SETBP1: variants seen among roughly 807,000 people sequenced by gnomAD.
The protein encoded by SETBP1 is SET binding protein 1.
SETBP1 carries 9 observed loss-of-function variants against 101.0 expected under a neutral mutation model. The ratio of observed to expected loss-of-function variants is 0.09; its 90% CI spans 0.05 to 0.16. The LOEUF (loss-of-function observed/expected upper bound fraction) is 0.16. Among genes scored for constraint, SETBP1 ranks in the 10% least tolerant of loss-of-function variants. The pLI, the probability that SETBP1 is intolerant of heterozygous loss-of-function variation, is 1.00. For missense variants in SETBP1, 1,858 were observed against 2,033.8 expected (o/e 0.91, Z 1.66); for synonymous variants, 818 against 788.5 (o/e 1.04, Z -0.63).
chr18:44,697,609 T>C (rs2069041768), intron 1 of SETBP1, among the ~76,000 whole-genome samples: 1 of 152,264 alleles, frequency 6.6e-6, no homozygotes, highest in Non-Finnish European at 1.5e-5. Flanking sequence ...CTATAGGTAA[T>C]GTCAGCATTA....
At chr18:44,719,184 A>C (rs1599029840) in intron 2 of SETBP1, among the ~76,000 whole-genome samples, 23 of 152,236 alleles carry the variant, frequency 1.5e-4, no homozygotes, top group Admixed American at 1.5e-3. Flanking sequence ...GAATCCAAAA[A>C]AAGTAGCAGA....
intron 4 of SETBP1, among the ~76,000 whole-genome samples, chr18:44,980,095 A>G (rs1386970701): frequency 6.6e-6 from 1 of 152,226 alleles, no homozygotes; most frequent in East Asian, 1.9e-4. Flanking sequence ...GGAACCGGAC[A>G]ATAAGCAAAG....
chr18:44,874,929 A>G (rs2069361991), intron 3 of SETBP1, among the ~76,000 whole-genome samples: 1 of 152,182 alleles, frequency 6.6e-6, no homozygotes, highest in Non-Finnish European at 1.5e-5. Context: ...GGCTGTGCTT[A>G]TCTCCCAACA....
intron 2 of SETBP1, among the ~76,000 whole-genome samples, chr18:44,861,560 C>T (rs1296076637): frequency 1.3e-5 from 2 of 151,920 alleles, no homozygotes; most frequent in African/African-American, 4.8e-5. Context: ...GATAGAGCTC[C>T]CAACAGTATA....
intron 4 of SETBP1, among the ~76,000 whole-genome samples, chr18:45,037,258 A>G (rs1218636108): frequency 6.6e-6 from 1 of 152,146 alleles, no homozygotes; most frequent in Non-Finnish European, 1.5e-5. Context: ...CTTGACTTAC[A>G]TTTGGATGAG....
chr18:44,706,591 C>CAAAAATAA (rs2069223179), intron 2 of SETBP1, among the ~76,000 whole-genome samples: 1 of 16,966 alleles, frequency 5.9e-5, no homozygotes, highest in African/African-American at 2.4e-4. Flanking sequence ...GACTCAATCT[C>CAAAAATAA]AAAAAAAAAA....
intron 2 of SETBP1, among the ~76,000 whole-genome samples, chr18:44,864,651 C>T (rs1238762918): frequency 6.6e-6 from 1 of 152,112 alleles, no homozygotes; most frequent in African/African-American, 2.4e-5. Flanking sequence ...GAATTTTCTC[C>T]TTCCTTTGCC....
chr18:44,904,690 T>C (rs1391616125), intron 3 of SETBP1, among the ~76,000 whole-genome samples: 1 of 152,208 alleles, frequency 6.6e-6, no homozygotes, highest in Admixed American at 6.5e-5. Flanking sequence ...AACTATGTGA[T>C]GGTTCAGGGC....
chr18:45,019,887 A>G (rs1270812637), intron 4 of SETBP1, among the ~76,000 whole-genome samples: 1 of 152,084 alleles, frequency 6.6e-6, no homozygotes, highest in Non-Finnish European at 1.5e-5. Flanking sequence ...TGTCAATTGT[A>G]TTTCCAGTGG....
At chr18:44,941,077 C>CTTTTTTT (rs71177660) in intron 3 of SETBP1, among the ~76,000 whole-genome samples, 12 of 74,868 alleles carry the variant, frequency 1.6e-4, no homozygotes, top group Non-Finnish European at 2.2e-4. Context: ...AGAAGTCAGA[C>CTTTTTTT]TTTTTTTTTT....
At chr18:45,021,731 A>T (rs1297818185) in intron 4 of SETBP1, among the ~76,000 whole-genome samples, 1 of 152,186 alleles carries the variant, frequency 6.6e-6, no homozygotes, top group Non-Finnish European at 1.5e-5. Flanking sequence ...TGAAAACATA[A>T]CTCTCTCTAA....
chr18:44,760,521 T>C (rs986153797), intron 2 of SETBP1, among the ~76,000 whole-genome samples: 2 of 152,244 alleles, frequency 1.3e-5, no homozygotes, highest in Middle Eastern at 3.2e-3. Flanking sequence ...TGAAGCCCAG[T>C]GCATTTTATT....
intron 3 of SETBP1, among the ~76,000 whole-genome samples, chr18:44,907,330 T>C (rs773893680): frequency 1.3e-5 from 2 of 152,228 alleles, no homozygotes; most frequent in Non-Finnish European, 2.9e-5. Flanking sequence ...GTAGAAGTTT[T>C]TGCATGAACA....
intron 2 of SETBP1, among the ~76,000 whole-genome samples, chr18:44,848,148 G>A (rs2072762357): frequency 6.6e-6 from 1 of 151,806 alleles, no homozygotes; most frequent in African/African-American, 2.4e-5. Flanking sequence ...CAAGTAACTA[G>A]GATTGTAAAC....
chr18:44,720,897 T>TC (rs2069572074), intron 2 of SETBP1, among the ~76,000 whole-genome samples: 1 of 122,828 alleles, frequency 8.1e-6, no homozygotes, highest in African/African-American at 3.1e-5. Context: ...AATGGAGCCC[T>TC]CCAACCCCCA....
chr18:44,886,866 C>T (rs1272365764), intron 3 of SETBP1, among the ~76,000 whole-genome samples: 1 of 151,692 alleles, frequency 6.6e-6, no homozygotes. Flanking sequence ...AAAGAGTTTC[C>T]CACTGAGTTC....
intron 4 of SETBP1, among the ~76,000 whole-genome samples, chr18:45,027,854 T>C (rs1201301605): frequency 6.6e-6 from 1 of 152,162 alleles, no homozygotes; most frequent in Non-Finnish European, 1.5e-5. Context: ...CAAGGAGAGC[T>C]CCATTTCTTT....
chr18:44,866,781 C>T (rs1002418697), intron 2 of SETBP1, among the ~76,000 whole-genome samples: 2 of 152,170 alleles, frequency 1.3e-5, no homozygotes, highest in African/African-American at 2.4e-5. Flanking sequence ...ATGCCCAGCT[C>T]AAGCTAGAGG....
At chr18:44,746,366 T>A (rs1198335956) in intron 2 of SETBP1, among the ~76,000 whole-genome samples, 2 of 152,240 alleles carry the variant, frequency 1.3e-5, no homozygotes, top group Non-Finnish European at 1.5e-5. Flanking sequence ...CAATAAGTGA[T>A]GGTGATAAAT....
Sources: gnomAD v4.1 joint callset for allele counts (sites outside exome capture counted in the v4.1 genomes callset) on GRCh38, gnomAD v4.1.1 for gene constraint, MANE v1.5 for transcripts, NCBI Gene and HGNC (gene_info 2026-07-23, HGNC 2026-07-21) for gene names.